Variants in PRKAR1A observed in about 807,000 individuals in gnomAD.
PRKAR1A encodes protein kinase cAMP-dependent type I regulatory subunit alpha, also known as cAMP-dependent protein kinase type I-alpha regulatory subunit.
PRKAR1A carries 3 observed loss-of-function variants against 52.0 expected under a neutral mutation model. That is an observed-to-expected ratio of 0.06 (90% CI 0.03 to 0.15). PRKAR1A has a LOEUF of 0.15. Among genes scored for constraint, PRKAR1A ranks in the 10% least tolerant of loss-of-function variants. PRKAR1A has a pLI of 1.00. For synonymous variants in PRKAR1A, 188 were observed against 168.4 expected, an observed-to-expected ratio of 1.12 and a Z score of -0.90; for missense variants, 240 against 477.4, an observed-to-expected ratio of 0.50 and a Z score of 4.63.
rs2085970253 is a variant in PRKAR1A at position 68,531,355 on chromosome 17, T to C, written c.*906T>C. The C allele has an allele frequency of 3.8e-6, 4 of 1,065,814 alleles. No homozygotes were observed. The highest frequency in any genetic ancestry group is 5.3e-5 in the Admixed American group (1 of 18,730). 66.0% of individuals were successfully genotyped at this position (1,065,814 alleles called of 1,614,324 possible). ...GTATGTCCTTCAGCTGACTCCAGTA[T>C]AATCTCCTCTGCTCATTAAACTGAT... On this transcript the variant is annotated 3_prime_UTR_variant, in exon 11 of 11. Coordinates refer to ENST00000589228, the MANE Select transcript of PRKAR1A (RefSeq NM_002734.5).
chr17:68,500,347 T>A, the PRKAR1A span, among the ~76,000 whole-genome samples: 6 of 152,138 alleles, frequency 3.9e-5, no homozygotes, highest in Non-Finnish European at 8.8e-5. Flanking sequence ...GATCTGATGG[T>A]TTTATAAGGG....
At chr17:68,464,581 T>C in the PRKAR1A span, among the ~76,000 whole-genome samples, 1 of 151,790 alleles carries the variant, frequency 6.6e-6, no homozygotes, top group Non-Finnish European at 1.5e-5. Context: ...CTTGGGAGGC[T>C]GAGGCAGGAG....
intron 2 of PRKAR1A, among the ~76,000 whole-genome samples, chr17:68,519,040 C>T (rs2085521060): frequency 6.6e-6 from 1 of 152,176 alleles, no homozygotes; most frequent in African/African-American, 2.4e-5. Flanking sequence ...ATATTACTAT[C>T]AGCATTTTGG....
chr17:68,495,175 T>C, the PRKAR1A span, among the ~76,000 whole-genome samples: 43 of 151,670 alleles, frequency 2.8e-4, no homozygotes, highest in African/African-American at 1.0e-3. Context: ...TACAGATGTG[T>C]GCCACCATGC....
At chr17:68,464,249 A>T in the PRKAR1A span, among the ~76,000 whole-genome samples, 1 of 152,188 alleles carries the variant, frequency 6.6e-6, no homozygotes, top group Non-Finnish European at 1.5e-5. Flanking sequence ...AATTTCTGAG[A>T]TATCCGATGA....
At chr17:68,512,348 T>A (rs2085283300), upstream of PRKAR1A, 1 of 152,848 alleles carries the variant, frequency 6.5e-6, no homozygotes, top group Non-Finnish European at 1.5e-5. Context: ...TTAAGGTTGC[T>A]AAGGCGACGG....
At chr17:68,426,254 G>GGGCGCCCCCC in the PRKAR1A span, 1 of 816,922 alleles carries the variant, frequency 1.2e-6, no homozygotes, top group Non-Finnish European at 1.9e-6. Flanking sequence ...GGGAGCGGGG[G>GGGCGCCCCCC]CTCAAATAAA....
At chr17:68,439,091 A>AAACAT in the PRKAR1A span, among the ~76,000 whole-genome samples, 101 of 152,320 alleles carry the variant, frequency 6.6e-4, 1 homozygote, top group African/African-American at 2.4e-3. Context: ...TTCAAAAGCT[A>AAACAT]AACATAAAGT....
At chr17:68,529,428 G>C (rs138616110) in intron 9 of PRKAR1A, among the ~76,000 whole-genome samples, 1 of 152,110 alleles carries the variant, frequency 6.6e-6, no homozygotes, top group Non-Finnish European at 1.5e-5. Flanking sequence ...CTTGCTAAGC[G>C]GATCCAAGTG....
chr17:68,445,985 A>G, the PRKAR1A span, among the ~76,000 whole-genome samples: 15 of 152,170 alleles, frequency 9.9e-5, no homozygotes, highest in African/African-American at 4.8e-5. Flanking sequence ...CTCAAGAACC[A>G]CTGGTCTCAG....
At chr17:68,537,472 A>G (rs374740151), downstream of PRKAR1A, 1 of 1,614,074 alleles carries the variant, frequency 6.2e-7, no homozygotes, top group East Asian at 2.2e-5. The surrounding 1 kb of genome is among the most constrained non-coding windows in gnomAD (Gnocchi z 4.2). Context: ...GGACTCTGCC[A>G]GCCCTTAGCT....
At chr17:68,465,232 C>G in the PRKAR1A span, among the ~76,000 whole-genome samples, 2 of 151,540 alleles carry the variant, frequency 1.3e-5, no homozygotes, top group African/African-American at 4.9e-5. Flanking sequence ...GCGCCCGGCC[C>G]CGGCCGGGTT....
chr17:68,488,815 T>C, the PRKAR1A span, among the ~76,000 whole-genome samples: 1 of 148,604 alleles, frequency 6.7e-6, no homozygotes, highest in Non-Finnish European at 1.5e-5. Flanking sequence ...TATAAAGAGG[T>C]CACCTTTTAG....
Position 68,530,670 on chromosome 17 carries a change from T to A in PRKAR1A, c.*221T>A. The A allele has an allele frequency of 7.0e-7, 1 of 1,438,602 alleles. No individual in the cohort carries two copies. Among genetic ancestry groups the A allele is most frequent in the East Asian group, 2.6e-5 (1 of 37,948 alleles). 89.1% of individuals were successfully genotyped at this position (1,438,602 alleles called of 1,614,324 possible). A position where few individuals can be genotyped will look rare whatever the true frequency, so the allele number is the denominator to read the frequency against. On this transcript the variant is annotated 3_prime_UTR_variant, in exon 11 of 11. Transcript: ENST00000589228. ...AAATAGAAAGAGTTCTATGGAGACT[T>A]TGCTGTTACTGCTTCTCTTTGTGCA...
the PRKAR1A span, among the ~76,000 whole-genome samples, chr17:68,480,216 C>A: frequency 1.3e-5 from 2 of 152,096 alleles, no homozygotes; most frequent in Non-Finnish European, 2.9e-5. Context: ...ATTATGTAAA[C>A]ATACTTGATT....
the PRKAR1A span, chr17:68,426,202 C>T: frequency 6.6e-7 from 1 of 1,524,844 alleles, no homozygotes; most frequent in African/African-American, 1.4e-5. Flanking sequence ...AGACATGAAA[C>T]AAGCACTGGG....
chr17:68,527,948 A>C, intron 8 of PRKAR1A, 48 bp downstream of exon 8: 3 of 1,484,328 alleles, frequency 2.0e-6, no homozygotes, highest in Non-Finnish European at 2.8e-6. Flanking sequence ...GATACCCCTG[A>C]ATTAGAATTG....
At chr17:68,499,248 C>T in the PRKAR1A span, among the ~76,000 whole-genome samples, 1 of 152,168 alleles carries the variant, frequency 6.6e-6, no homozygotes, top group Non-Finnish European at 1.5e-5. Context: ...TGAATTTGCT[C>T]ATCTTTGGGT....
At chr17:68,546,168 CAAAAA>C (rs750780505) in intron 11 of PRKAR1A, among the ~76,000 whole-genome samples, 11 of 98,912 alleles carry the variant, frequency 1.1e-4, no homozygotes, top group Non-Finnish European at 1.8e-4. Flanking sequence ...GACTCCATCT[CAAAAA>C]AAAAAAAAAA....
Sources: gnomAD v4.1 joint callset for allele counts (sites outside exome capture counted in the v4.1 genomes callset) on GRCh38, gnomAD v4.1.1 for gene constraint, Gnocchi (gnomAD v3.1) non-coding constraint, MANE v1.5 for transcripts, NCBI Gene and HGNC (gene_info 2026-07-23, HGNC 2026-07-21) for gene names.